Variants in SETD7 observed in about 807,000 individuals in gnomAD.
The protein encoded by SETD7 is histone-lysine N-methyltransferase SETD7.
Under a neutral mutation model 41.8 loss-of-function variants are expected in SETD7, and 16 were observed. The observed-to-expected ratio is 0.38, with a 90% confidence interval of 0.26 to 0.58. The LOEUF (loss-of-function observed/expected upper bound fraction) is 0.58, where lower values mean the gene tolerates loss of function less well. SETD7 is among the 20% of genes least tolerant of loss of function. The pLI is 0.64. For synonymous variants in SETD7, 163 were observed against 169.7 expected (o/e 0.96, Z 0.31); for missense variants, 346 against 459.7 (o/e 0.75, Z 2.26).
intron 1 of SETD7, among the ~76,000 whole-genome samples, chr4:139,551,522 T>TTA (rs1728109873): frequency 6.6e-6 from 1 of 152,208 alleles, no homozygotes; most frequent in Non-Finnish European, 1.5e-5. Context: ...TTCCTGAATC[T>TTA]GATAAGAGCC....
At chr4:139,530,674 T>C (rs1270595073) in intron 3 of SETD7, among the ~76,000 whole-genome samples, 2 of 152,216 alleles carry the variant, frequency 1.3e-5, no homozygotes, top group Non-Finnish European at 2.9e-5. Flanking sequence ...CAGAAGTCTG[T>C]CTTTCCAGGG....
At chr4:139,546,743 T>C (rs902557723) in intron 2 of SETD7, 177 bp downstream of exon 2, 1 of 769,444 alleles carries the variant, frequency 1.3e-6, no homozygotes, top group Non-Finnish European at 2.1e-6. Flanking sequence ...AGGCTGGCTG[T>C]CCCATAACCA....
chr4:139,534,723 G>A (rs2111156069), intron 2 of SETD7, among the ~76,000 whole-genome samples: 1 of 152,228 alleles, frequency 6.6e-6, no homozygotes, highest in Middle Eastern at 3.4e-3. Flanking sequence ...AGCGGATAAG[G>A]AACAAAACAA....
chr4:139,515,897 C>G (rs2111127596), intron 7 of SETD7, among the ~76,000 whole-genome samples: 1 of 152,302 alleles, frequency 6.6e-6, no homozygotes, highest in East Asian at 1.9e-4. Flanking sequence ...GAAAAGGTTG[C>G]AGGCAGCTCA....
At chr4:139,498,175 C>T (rs1468461730) in intron 7 of SETD7, among the ~76,000 whole-genome samples, 4 of 152,312 alleles carry the variant, frequency 2.6e-5, no homozygotes, top group South Asian at 4.1e-4. Context: ...TTAATGCTGA[C>T]TCTTTGACAT....
intron 2 of SETD7, among the ~76,000 whole-genome samples, chr4:139,535,413 C>T (rs1727611145): frequency 6.6e-6 from 1 of 152,150 alleles, no homozygotes; most frequent in African/African-American, 2.4e-5. Flanking sequence ...ATCCTGGCAA[C>T]CCTATTGACT....
intron 2 of SETD7, 47 bp downstream of exon 2, chr4:139,546,873 A>AGG (rs759861108): frequency 2.5e-5 from 40 of 1,613,100 alleles, no homozygotes; most frequent in Non-Finnish European, 5.1e-6. Context: ...CCTTAACATA[A>AGG]AATAATTCGG....
chr4:139,520,830 T>C (rs1357886466), intron 5 of SETD7, among the ~76,000 whole-genome samples: 1 of 152,198 alleles, frequency 6.6e-6, no homozygotes, highest in East Asian at 1.9e-4. Context: ...TCAAGATGTA[T>C]CTTCTATATG....
chr4:139,541,896 T>C (rs1727788596), intron 2 of SETD7, among the ~76,000 whole-genome samples: 1 of 152,192 alleles, frequency 6.6e-6, no homozygotes, highest in Non-Finnish European at 1.5e-5. Flanking sequence ...GATTTAGAAA[T>C]AGATAGCTAT....
At chr4:139,548,500 C>T (rs1212731213) in intron 1 of SETD7, among the ~76,000 whole-genome samples, 4 of 152,050 alleles carry the variant, frequency 2.6e-5, no homozygotes, top group African/African-American at 7.2e-5. Flanking sequence ...GGCATGGTGG[C>T]GGACGTCTGT....
chr4:139,531,019 GCTC>G (rs1322551780), intron 3 of SETD7, among the ~76,000 whole-genome samples: 3 of 151,970 alleles, frequency 2.0e-5, no homozygotes, highest in Admixed American at 2.0e-4. Context: ...CTGCTCACTG[GCTC>G]CTCCTCGTGG....
At chr4:139,532,115 G>C (rs1727497792) in intron 3 of SETD7, among the ~76,000 whole-genome samples, 1 of 151,880 alleles carries the variant, frequency 6.6e-6, no homozygotes, top group African/African-American at 2.4e-5. Flanking sequence ...AGAGTATTTT[G>C]ACTTAAGTTA....
At chr4:139,496,283 A>C (rs2111104892) in exon 8 of SETD7, 2 of 626,724 alleles carry the variant, frequency 3.2e-6, no homozygotes, top group African/African-American at 1.8e-5. Context: ...TGAGTTCTTG[A>C]GGGAAGCCTA....
chr4:139,521,447 C>T (rs1373845599), intron 5 of SETD7, among the ~76,000 whole-genome samples: 3 of 151,434 alleles, frequency 2.0e-5, no homozygotes, highest in Non-Finnish European at 2.9e-5. Context: ...AAGAAAAAAG[C>T]GCTCATAATT....
At position 139,517,943 on chromosome 4, in the gene SETD7, A is replaced by C; in HGVS notation, c.862T>G (p.Cys288Gly). ...PEPYNHVSKY[C>G]ASLGHKANHS... Reference sequence around the variant, plus strand: ...TTTGCCTTGTGTCCCAAGGAGGCACAGTACTTGGATACGTGGTTATAGGGC... The same window carrying C: ...TTTGCCTTGTGTCCCAAGGAGGCACCGTACTTGGATACGTGGTTATAGGGC... Residue 288 changes from cysteine (C) to glycine (G), a missense_variant, in exon 7 of 8, where the codon TGT becomes GGT. Physicochemically the swap from Cys to Gly is radical, Grantham distance 159. Around this residue, in one of 3 missense-constraint regions of SETD7, gnomAD observed 266 missense variants for 377.0 expected, o/e 0.71. Coordinates refer to ENST00000274031, the MANE Select transcript of SETD7 (RefSeq NM_030648.4). The C allele has an allele frequency of 6.2e-7, 1 of 1,614,052 alleles. No individual in the cohort carries two copies. Among genetic ancestry groups the C allele is most frequent in the South Asian group, 1.1e-5 (1 of 91,076 alleles).
chr4:139,497,535 A>G (rs1052921838), intron 7 of SETD7, among the ~76,000 whole-genome samples: 1 of 151,896 alleles, frequency 6.6e-6, no homozygotes, highest in African/African-American at 2.4e-5. Context: ...TCAAAGTTCA[A>G]CCTGATGATA....
At chr4:139,541,537 C>A (rs907235580) in intron 2 of SETD7, among the ~76,000 whole-genome samples, 6 of 152,142 alleles carry the variant, frequency 3.9e-5, no homozygotes, top group African/African-American at 1.4e-4. Flanking sequence ...TATCTCGGGA[C>A]CGAGTGGATG....
intron 7 of SETD7, among the ~76,000 whole-genome samples, chr4:139,517,646 T>C (rs1727065210): frequency 6.6e-6 from 1 of 152,210 alleles, no homozygotes; most frequent in Non-Finnish European, 1.5e-5. Flanking sequence ...TGTGGTATAC[T>C]ATTTCCATAC....
intron 4 of SETD7, among the ~76,000 whole-genome samples, chr4:139,528,540 A>G (rs562958629): frequency 1.2e-4 from 19 of 152,312 alleles, no homozygotes; most frequent in Admixed American, 1.2e-3. Flanking sequence ...ACTAATGTGT[A>G]TGGTGTAATT....
Sources: gnomAD v4.1 joint callset for allele counts (sites outside exome capture counted in the v4.1 genomes callset) on GRCh38, gnomAD v4.1.1 for gene constraint, gnomAD v4.1.1 regional missense constraint, MANE v1.5 for transcripts, NCBI Gene and HGNC (gene_info 2026-07-23, HGNC 2026-07-21) for gene names.